Variants in RAPGEF6 observed in about 807,000 individuals in gnomAD.
The protein encoded by RAPGEF6 is Rap guanine nucleotide exchange factor 6.
Under a neutral mutation model 171.4 loss-of-function variants are expected in RAPGEF6, and 56 were observed. The ratio of observed to expected loss-of-function variants is 0.33; its 90% CI spans 0.26 to 0.41. The LOEUF is 0.41. RAPGEF6 is among the 10% of genes least tolerant of loss of function. The probability of loss-of-function intolerance (pLI) is 1.00; values close to 1 mark genes in which losing one functional copy is unlikely to be tolerated. For synonymous variants in RAPGEF6, 692 were observed against 650.1 expected, an observed-to-expected ratio of 1.06 and a Z score of -0.98; for missense variants, 1,674 against 1,921.4, an observed-to-expected ratio of 0.87 and a Z score of 2.41.
Position 131,635,152 on chromosome 5 carries a change from G to A in RAPGEF6, c.-122C>T. ...GGAGGGAACTTCGCGCCGTAACAAG[G>A]TCCGAACTCTAGCAAACAACCCTTC... On this transcript the variant is annotated 5_prime_UTR_variant, in exon 1 of 28. Transcript: ENST00000509018. The A allele has an allele frequency of 9.6e-7, 1 of 1,040,212 alleles. No individual in the cohort carries two copies. Among genetic ancestry groups the A allele is most frequent in the South Asian group, 1.6e-5 (1 of 61,048 alleles). 64.4% of individuals were successfully genotyped at this position (1,040,212 alleles called of 1,614,324 possible).
chr5:131,469,925 G>A, intron 17 of RAPGEF6: 2 of 815,264 alleles, frequency 2.5e-6, no homozygotes, highest in Non-Finnish European at 3.8e-6. Context: ...CTTTGAAAAT[G>A]AAGGATAAAT....
intron 19 of RAPGEF6, 51 bp from the exon 20 acceptor site, chr5:131,456,063 G>A: frequency 6.9e-7 from 1 of 1,439,640 alleles, no homozygotes; most frequent in Admixed American, 1.7e-5. Flanking sequence ...GGAAAGGGGT[G>A]GACTCAGGTC....
In RAPGEF6 at chr5:131,563,217, T is replaced by C. The variant is rs565212987; in HGVS notation, c.282-1170A>G. 8.4e-4 allele frequency among the ~76,000 whole-genome samples: 128 copies of C among 151,964 alleles called. 1 individual carries two copies. The highest frequency in any genetic ancestry group is 2.9e-3 in the African/African-American group (120 of 41,468). On this transcript the variant is annotated intron_variant, in intron 4 of 27. Transcript: ENST00000509018. ...TCAGTTAGTAAATAAAACATATAAA[T>C]ATTACTCCAAAATAACCAAATGGAA...
rs772970456 is a variant in RAPGEF6 at position 131,464,389 on chromosome 5, TTTCTATTTC to T, written c.2240-117_2240-109del. ...ATCCCTCTGAACACTGAAATATACATTTCTATTTCACAATATTAACAGAAGTCACTGTTG... is the reference window on the plus strand; with the variant it reads ...ATCCCTCTGAACACTGAAATATACATACAATATTAACAGAAGTCACTGTTG... On this transcript the variant is annotated intron_variant, in intron 17 of 27. Transcript: ENST00000509018. The T allele has an allele frequency of 1.1e-5, 9 of 794,206 alleles. No homozygotes were observed. The East Asian group carries it at 1.6e-4, about 14-fold the overall frequency. 49.2% of individuals were successfully genotyped at this position (794,206 alleles called of 1,614,324 possible).
chr5:131,468,193 G>A (rs768366740), intron 17 of RAPGEF6, among the ~76,000 whole-genome samples: 2 of 151,270 alleles, frequency 1.3e-5, no homozygotes, highest in Middle Eastern at 3.4e-3. Flanking sequence ...TTAGCTGGGC[G>A]TGGTGGCGGG....
intron 6 of RAPGEF6, among the ~76,000 whole-genome samples, chr5:131,540,168 C>A (rs1236924452): frequency 6.6e-6 from 1 of 152,008 alleles, no homozygotes; most frequent in African/African-American, 2.4e-5. Flanking sequence ...ACACAGAGAA[C>A]AAGAAATAAA....
chr5:131,538,131 TA>T (rs894769065), intron 6 of RAPGEF6, among the ~76,000 whole-genome samples: 3 of 151,632 alleles, frequency 2.0e-5, no homozygotes, highest in African/African-American at 7.3e-5. Flanking sequence ...ACTACAACAA[TA>T]AAAAAAACTA....
At position 131,521,362 on chromosome 5, in the gene RAPGEF6, CG is replaced by C. The variant is rs751641949; in HGVS notation, c.627+27del. On this transcript the variant is annotated intron_variant, in intron 7 of 27. Transcript: ENST00000509018. ...ATCTGGCAAATAAAAAAACCATATA[CG>C]CAGCATACAAATTCCTAAGGTATTA... is the stretch of plus-strand genomic sequence containing the variant. 23 of 1,562,520 alleles carry C rather than the reference CG, an allele frequency of 1.5e-5. No individual in the cohort carries two copies. In the Admixed American group the frequency reaches 4.5e-4, roughly 31 times the overall value.
intron 5 of RAPGEF6, among the ~76,000 whole-genome samples, chr5:131,557,044 G>A (rs1761279816): frequency 6.6e-6 from 1 of 152,116 alleles, no homozygotes; most frequent in Non-Finnish European, 1.5e-5. Flanking sequence ...AATTGGGACT[G>A]CAGACGTGTG....
intron 3 of RAPGEF6, among the ~76,000 whole-genome samples, chr5:131,600,350 C>T (rs1764154655): frequency 6.6e-6 from 1 of 152,086 alleles, no homozygotes; most frequent in Non-Finnish European, 1.5e-5. Context: ...GGTGAAACCC[C>T]ATCTCTACTA....
chr5:131,564,229 G>GATA (rs1253512658), intron 4 of RAPGEF6, among the ~76,000 whole-genome samples: 2 of 152,214 alleles, frequency 1.3e-5, no homozygotes, highest in Non-Finnish European at 2.9e-5. Context: ...GCAGCAAAGA[G>GATA]ATACGGGGAG....
intron 9 of RAPGEF6, among the ~76,000 whole-genome samples, chr5:131,506,797 T>C (rs1036442152): frequency 6.6e-6 from 1 of 152,156 alleles, no homozygotes; most frequent in African/African-American, 2.4e-5. Context: ...AAAACTTGTA[T>C]AAAATAGAAG....
chr5:131,439,891 C>A, intron 23 of RAPGEF6, 176 bp from the exon 24 acceptor site: 1 of 1,103,366 alleles, frequency 9.1e-7, no homozygotes, highest in Non-Finnish European at 1.3e-6. Context: ...AGATTCTCAC[C>A]TCTAGGTTAT....
At chr5:131,436,892 T>A (rs1752044585) in intron 24 of RAPGEF6, among the ~76,000 whole-genome samples, 1 of 152,190 alleles carries the variant, frequency 6.6e-6, no homozygotes, top group Admixed American at 6.5e-5. Flanking sequence ...AACACTAGGG[T>A]AGATAATGTT....
At chr5:131,451,709 T>C (rs1753088544) in intron 21 of RAPGEF6, among the ~76,000 whole-genome samples, 1 of 152,194 alleles carries the variant, frequency 6.6e-6, no homozygotes. Flanking sequence ...ATTGTGTTGG[T>C]GTAAAAGTAA....
At chr5:131,587,468 T>G (rs1763319558) in intron 4 of RAPGEF6, among the ~76,000 whole-genome samples, 1 of 152,198 alleles carries the variant, frequency 6.6e-6, no homozygotes. Context: ...ATGTTCAATT[T>G]CTTGATATGG....
intron 13 of RAPGEF6, among the ~76,000 whole-genome samples, chr5:131,494,654 A>G (rs2149876579): frequency 6.6e-6 from 1 of 152,356 alleles, no homozygotes; most frequent in Non-Finnish European, 1.5e-5. Context: ...TAGGAAGTAT[A>G]GATTACTGAC....
At chr5:131,586,961 G>A (rs1763288312) in intron 4 of RAPGEF6, among the ~76,000 whole-genome samples, 1 of 152,206 alleles carries the variant, frequency 6.6e-6, no homozygotes, top group South Asian at 2.1e-4. Context: ...CACAGGGGTG[G>A]AGCCACAGAA....
intron 6 of RAPGEF6, among the ~76,000 whole-genome samples, chr5:131,541,292 C>T (rs1760125299): frequency 6.6e-6 from 1 of 151,990 alleles, no homozygotes; most frequent in South Asian, 2.1e-4. Context: ...TGACAGAAGC[C>T]CATTCTGGAT....
Sources: gnomAD v4.1 joint callset for allele counts (sites outside exome capture counted in the v4.1 genomes callset) on GRCh38, gnomAD v4.1.1 for gene constraint, MANE v1.5 for transcripts, NCBI Gene and HGNC (gene_info 2026-07-23, HGNC 2026-07-21) for gene names.